ASB7: variants seen among roughly 807,000 people sequenced by gnomAD.
ASB7 encodes the protein ankyrin repeat and SOCS box protein 7.
Under a neutral mutation model 32.5 loss-of-function variants are expected in ASB7, and 4 were observed. The ratio of observed to expected loss-of-function variants is 0.12; its 90% confidence interval spans 0.06 to 0.28. The LOEUF is 0.28. Among genes scored for constraint, ASB7 ranks in the 10% least tolerant of loss-of-function variants. The pLI is 1.00. For missense variants in ASB7, 181 were observed against 407.1 expected, an observed-to-expected ratio of 0.44 and a Z score of 4.78; for synonymous variants, 172 against 155.6, an observed-to-expected ratio of 1.11 and a Z score of -0.78.
intron 5 of ASB7, among the ~76,000 whole-genome samples, chr15:100,631,662 A>G (rs1005882367): frequency 6.6e-6 from 1 of 152,214 alleles, no homozygotes; most frequent in South Asian, 2.1e-4. Context: ...CTAGACTGCA[A>G]GAGTTTGAGC....
chr15:100,644,623 G>A (rs2039985249), intron 5 of ASB7, among the ~76,000 whole-genome samples: 1 of 152,234 alleles, frequency 6.6e-6, no homozygotes, highest in Non-Finnish European at 1.5e-5. Context: ...CCCTCATGGA[G>A]CATGTCATAT....
intron 5 of ASB7, among the ~76,000 whole-genome samples, chr15:100,631,037 C>T (rs1325123242): frequency 6.6e-6 from 1 of 152,156 alleles, no homozygotes; most frequent in African/African-American, 2.4e-5. Context: ...TGGAGCGGGC[C>T]TTTGGAGTAC....
At chr15:100,637,199 G>C (rs1024280736) in intron 5 of ASB7, among the ~76,000 whole-genome samples, 3 of 152,302 alleles carry the variant, frequency 2.0e-5, no homozygotes, top group African/African-American at 7.2e-5. Context: ...GAGCTGAGCC[G>C]GCAGCTTTTT....
intron 3 of ASB7, among the ~76,000 whole-genome samples, chr15:100,611,057 A>T (rs2039691401): frequency 6.6e-6 from 1 of 151,986 alleles, no homozygotes; most frequent in African/African-American, 2.4e-5. Flanking sequence ...TCTTATTTTA[A>T]TTTTTGAGAC....
chr15:100,611,257 T>C (rs370236783), intron 3 of ASB7, among the ~76,000 whole-genome samples: 5 of 152,232 alleles, frequency 3.3e-5, no homozygotes, highest in South Asian at 4.1e-4. Flanking sequence ...CTCACTGTGT[T>C]GTCCAGGTTG....
At chr15:100,637,917 T>C (rs1186951125) in intron 5 of ASB7, among the ~76,000 whole-genome samples, 4 of 151,574 alleles carry the variant, frequency 2.6e-5, no homozygotes, top group Non-Finnish European at 5.9e-5. Context: ...TAAGAGGTGC[T>C]GTTCTCGCAA....
At chr15:100,642,604 AG>A (rs60945852) in intron 5 of ASB7, among the ~76,000 whole-genome samples, 53,564 of 152,128 alleles carry the variant, frequency 0.35, 11,419 homozygotes, top group East Asian at 0.84. Flanking sequence ...CCCCACTTTC[AG>A]GTCCCAGAGT....
rs2039932252 is a variant in ASB7 at position 100,637,513 on chromosome 15, C to G, written c.817+7471C>G. ...TCAACATTTGGAAGATCCACATAACCCAATGAACCTTGTTTTCCAAATGAC... is the reference window on the plus strand; with the variant it reads ...TCAACATTTGGAAGATCCACATAACGCAATGAACCTTGTTTTCCAAATGAC... On this transcript the variant is annotated intron_variant, in intron 5 of 5. Transcript: ENST00000332783. Among the ~76,000 whole-genome samples the G allele has an allele frequency of 2.0e-5, 3 of 152,118 alleles. No individual in the cohort carries two copies. The South Asian group carries it at 6.2e-4, about 32-fold the overall frequency.
At chr15:100,618,504 C>CA (rs1307895208) in intron 4 of ASB7, among the ~76,000 whole-genome samples, 1 of 152,090 alleles carries the variant, frequency 6.6e-6, no homozygotes, top group Non-Finnish European at 1.5e-5. Flanking sequence ...GATAGTAAAC[C>CA]AAAATGAAGT....
intron 4 of ASB7, among the ~76,000 whole-genome samples, chr15:100,624,547 T>C (rs972859211): frequency 1.3e-5 from 2 of 152,140 alleles, no homozygotes; most frequent in African/African-American, 4.8e-5. Flanking sequence ...TTAGGAAAAA[T>C]GGACAGATTT....
intron 4 of ASB7, among the ~76,000 whole-genome samples, chr15:100,628,486 T>C (rs2039858855): frequency 6.6e-6 from 1 of 152,212 alleles, no homozygotes; most frequent in African/African-American, 2.4e-5. Context: ...AGCATTTTCA[T>C]CCTGGGTAGT....
intron 5 of ASB7, among the ~76,000 whole-genome samples, chr15:100,648,099 A>T (rs1292309808): frequency 6.6e-6 from 1 of 152,182 alleles, no homozygotes; most frequent in Non-Finnish European, 1.5e-5. Context: ...CAGTTTTCTT[A>T]TTGGTAAAAT....
intron 3 of ASB7, among the ~76,000 whole-genome samples, chr15:100,610,974 CAT>C (rs2039690749): frequency 6.6e-6 from 1 of 152,190 alleles, no homozygotes; most frequent in South Asian, 2.1e-4. Flanking sequence ...TGTATACACA[CAT>C]GTAAGATGCA....
In ASB7 at chr15:100,648,496, A is replaced by G. The variant is rs551790926; in HGVS notation, c.*34A>G. The G allele has an allele frequency of 2.6e-6, 4 of 1,545,958 alleles. No individual in the cohort carries two copies. Among genetic ancestry groups the G allele is most frequent in the African/African-American group, 2.8e-5 (2 of 72,088 alleles). On this transcript the variant is annotated 3_prime_UTR_variant, in exon 6 of 6. Transcript: ENST00000332783. ...AACTGTGAGCAAGATTAGGAGTTCT[A>G]TTCTAGATACTTAAAAGGCTTTTTG...
intron 2 of ASB7, among the ~76,000 whole-genome samples, chr15:100,607,573 G>A (rs2039656944): frequency 6.6e-6 from 1 of 152,164 alleles, no homozygotes; most frequent in African/African-American, 2.4e-5. Flanking sequence ...CATGCAGGGA[G>A]TACTTTTTTG....
rs780822005 is a variant in ASB7 at position 100,614,073 on chromosome 15, G to T, written c.211+1646G>T. On this transcript the variant is annotated intron_variant, in intron 4 of 5. Transcript: ENST00000332783. ...GGATCGCCTGAGGTCAGGAGTTTGA[G>T]ACCAGCTTGGCCAACGTGGCGAAAC... Among the ~76,000 whole-genome samples, 155 of 152,146 alleles carry T rather than the reference G, an allele frequency of 1.0e-3. 1 individual carries two copies. The highest frequency in any genetic ancestry group is 1.4e-3 in the Non-Finnish European group (94 of 68,030).
At chr15:100,615,617 GTC>G (rs1287749336) in intron 4 of ASB7, among the ~76,000 whole-genome samples, 3 of 152,236 alleles carry the variant, frequency 2.0e-5, no homozygotes, top group African/African-American at 7.2e-5. Flanking sequence ...GTGAGGGCAA[GTC>G]TCTAACTTTT....
intron 5 of ASB7, among the ~76,000 whole-genome samples, chr15:100,643,669 T>G (rs139707738): frequency 0.011 from 1,716 of 150,594 alleles, 14 homozygotes; most frequent in Middle Eastern, 0.017. Context: ...TTTTTTATAT[T>G]TTTTTAGTAG....
At chr15:100,630,156 T>A in intron 5 of ASB7, 114 bp downstream of exon 5, 1 of 1,381,792 alleles carries the variant, frequency 7.2e-7, no homozygotes, top group Non-Finnish European at 9.4e-7. Context: ...CTATAACCAC[T>A]GCTTGGTAAG....
Sources: allele counts gnomAD v4.1 joint callset (sites outside exome capture counted in the v4.1 genomes callset), GRCh38; gene constraint gnomAD v4.1.1; transcripts MANE v1.5; gene names NCBI Gene and HGNC (gene_info 2026-07-23, HGNC 2026-07-21).